The following HPSE2 variants were observed in gnomAD, a reference collection of about 807,000 sequenced individuals.
The protein encoded by HPSE2 is inactive heparanase-2.
HPSE2 carries 38 observed loss-of-function variants against 60.5 expected under a neutral mutation model. That is an observed-to-expected ratio of 0.63 (90% CI 0.48 to 0.82). The LOEUF is 0.82. Ranked by LOEUF, HPSE2 falls within the 40% of genes least tolerant of loss-of-function variation. HPSE2 has a pLI of 0.00. For synonymous variants in HPSE2, 295 were observed against 293.2 expected (o/e 1.01, Z -0.06); for missense variants, 713 against 740.4 (o/e 0.96, Z 0.43).
the HPSE2 span, among the ~76,000 whole-genome samples, chr10:99,294,356 T>C: frequency 6.8e-6 from 1 of 147,210 alleles, no homozygotes; most frequent in African/African-American, 2.5e-5. Context: ...TAAATTTTTA[T>C]ATATTATATA....
intron 3 of HPSE2, among the ~76,000 whole-genome samples, chr10:98,844,300 G>A (rs1201710837): frequency 6.6e-6 from 1 of 152,196 alleles, no homozygotes; most frequent in Non-Finnish European, 1.5e-5. Flanking sequence ...AAGAACAACT[G>A]GCTATGCGAG....
chr10:98,512,293 G>C (rs1214946712), intron 9 of HPSE2, among the ~76,000 whole-genome samples: 1 of 151,992 alleles, frequency 6.6e-6, no homozygotes, highest in East Asian at 1.9e-4. Flanking sequence ...TAAAATTGTC[G>C]AATGGTGGCC....
chr10:99,262,744 G>C, the HPSE2 span, among the ~76,000 whole-genome samples: 1 of 152,082 alleles, frequency 6.6e-6, no homozygotes, highest in Non-Finnish European at 1.5e-5. Context: ...TATCAACCAA[G>C]TTGTCTTGCC....
intron 3 of HPSE2, among the ~76,000 whole-genome samples, chr10:99,050,578 A>G (rs1957968399): frequency 6.6e-6 from 1 of 152,220 alleles, no homozygotes; most frequent in Non-Finnish European, 1.5e-5. Context: ...AATTACTGCA[A>G]TAAGTTATGG....
intron 3 of HPSE2, among the ~76,000 whole-genome samples, chr10:98,889,093 T>C (rs989121658): frequency 5.3e-5 from 8 of 152,284 alleles, no homozygotes; most frequent in African/African-American, 1.9e-4. Context: ...TAAAACAACA[T>C]AGATTTTTTT....
chr10:98,987,187 C>CA (rs891427961), intron 3 of HPSE2, among the ~76,000 whole-genome samples: 157 of 144,716 alleles, frequency 1.1e-3, no homozygotes, highest in East Asian at 1.6e-3. Flanking sequence ...AGAGAGACAA[C>CA]AAAAAAAAAA....
chr10:99,222,383 G>C (rs1274478451), intron 2 of HPSE2, among the ~76,000 whole-genome samples: 2 of 152,042 alleles, frequency 1.3e-5, no homozygotes, highest in Non-Finnish European at 2.9e-5. Flanking sequence ...CAAAATCTCA[G>C]TTCAAACAGA....
chr10:99,306,953 G>A, the HPSE2 span, among the ~76,000 whole-genome samples: 1 of 151,992 alleles, frequency 6.6e-6, no homozygotes, highest in Admixed American at 6.6e-5. Flanking sequence ...CAGGTGATCC[G>A]CCCGCCTCAG....
At chr10:98,973,551 T>C (rs1358425901) in intron 3 of HPSE2, among the ~76,000 whole-genome samples, 1 of 152,210 alleles carries the variant, frequency 6.6e-6, no homozygotes, top group Non-Finnish European at 1.5e-5. Context: ...CTGAAGATGC[T>C]GCCTCCAAAG....
chr10:98,697,754 G>C (rs998066705), intron 5 of HPSE2, among the ~76,000 whole-genome samples: 2 of 152,150 alleles, frequency 1.3e-5, no homozygotes, highest in Non-Finnish European at 2.9e-5. Context: ...AGGGCAGCCA[G>C]AGAGAAAGGC....
In HPSE2 at chr10:98,933,108, T is replaced by C. The variant is rs948289594; in HGVS notation, c.611-189052A>G. Among the ~76,000 whole-genome samples the C allele has an allele frequency of 2.1e-5, 3 of 144,212 alleles. 1 individual carries two copies. The highest frequency in any genetic ancestry group is 4.5e-5 in the Non-Finnish European group (3 of 67,294). The allele number at this position is 144,212 out of a possible 152,430, so 94.6% of individuals were successfully genotyped here. A position where few individuals can be genotyped will look rare whatever the true frequency, so the allele number is the denominator to read the frequency against. ...TTTTTGATGTGAGTATTTAGTACTATAGATTTCCCTCTTAACACTGCTTTA... is the reference window on the plus strand; with the variant it reads ...TTTTTGATGTGAGTATTTAGTACTACAGATTTCCCTCTTAACACTGCTTTA... On this transcript the variant is annotated intron_variant, in intron 3 of 11. Coordinates refer to ENST00000370552, the MANE Select transcript of HPSE2 (RefSeq NM_021828.5).
At chr10:98,697,964 A>C (rs1465076265) in intron 5 of HPSE2, among the ~76,000 whole-genome samples, 1 of 150,284 alleles carries the variant, frequency 6.7e-6, no homozygotes, top group African/African-American at 2.5e-5. Context: ...TATGCACCCA[A>C]TACAGGAGCA....
At chr10:98,740,173 C>T in intron 4 of HPSE2, among the ~76,000 whole-genome samples, 1 of 89,758 alleles carries the variant, frequency 1.1e-5, no homozygotes, top group Admixed American at 1.9e-4. Flanking sequence ...ATTTTCTTTT[C>T]TTTTGTCTTT....
chr10:98,845,076 T>G (rs930692159), intron 3 of HPSE2, among the ~76,000 whole-genome samples: 9 of 152,196 alleles, frequency 5.9e-5, no homozygotes, highest in Admixed American at 5.9e-4. Context: ...AAGTTGTAAC[T>G]TGGAGGAGAA....
intron 3 of HPSE2, among the ~76,000 whole-genome samples, chr10:98,845,893 T>C (rs1952023211): frequency 6.6e-6 from 1 of 152,196 alleles, no homozygotes; most frequent in Non-Finnish European, 1.5e-5. Flanking sequence ...AGTAAAGGAA[T>C]GAGAGCTTTT....
chr10:99,290,353 A>G, the HPSE2 span, among the ~76,000 whole-genome samples: 2 of 152,166 alleles, frequency 1.3e-5, no homozygotes, highest in Non-Finnish European at 2.9e-5. Context: ...CATACCTTGT[A>G]AGAATTGTAA....
chr10:99,063,529 T>C (rs1842515787), intron 3 of HPSE2, among the ~76,000 whole-genome samples: 1 of 152,178 alleles, frequency 6.6e-6, no homozygotes, highest in African/African-American at 2.4e-5. Flanking sequence ...GAAAAGAGTG[T>C]AAACCATTTA....
At chr10:98,648,323 T>C (rs540447675) in intron 6 of HPSE2, among the ~76,000 whole-genome samples, 6 of 152,326 alleles carry the variant, frequency 3.9e-5, no homozygotes, top group Non-Finnish European at 8.8e-5. Flanking sequence ...GGAAATCATA[T>C]GCAGCTTCAG....
chr10:98,640,756 T>C (rs1946616993), intron 7 of HPSE2, among the ~76,000 whole-genome samples: 1 of 152,128 alleles, frequency 6.6e-6, no homozygotes. Flanking sequence ...CAAAAGATAA[T>C]AATATATTTT....
Sources: allele counts gnomAD v4.1 joint callset (sites outside exome capture counted in the v4.1 genomes callset), GRCh38; gene constraint gnomAD v4.1.1; transcripts MANE v1.5; gene names NCBI Gene and HGNC (gene_info 2026-07-23, HGNC 2026-07-21).